CDIN1: variants seen among roughly 807,000 people sequenced by gnomAD.
CDIN1 encodes CDAN1 interacting nuclease 1, also known as CDAN1-interacting nuclease 1.
In CDIN1, 33 loss-of-function variants were observed where a neutral mutation model predicts 45.3. That is an observed-to-expected ratio of 0.73 (90% CI 0.55 to 0.97). The LOEUF (loss-of-function observed/expected upper bound fraction) is 0.97. CDIN1 is among the 50% of genes least tolerant of loss of function. CDIN1 has a pLI of 0.00. For synonymous variants in CDIN1, 118 were observed against 124.4 expected, an observed-to-expected ratio of 0.95 and a Z score of 0.34; for missense variants, 303 against 339.4, an observed-to-expected ratio of 0.89 and a Z score of 0.84.
At chr15:36,608,762 A>G (rs2038499840) in intron 1 of CDIN1, among the ~76,000 whole-genome samples, 1 of 152,134 alleles carries the variant, frequency 6.6e-6, no homozygotes, top group South Asian at 2.1e-4. Flanking sequence ...CTTATTGTTC[A>G]ATACACTATT....
intron 3 of CDIN1, among the ~76,000 whole-genome samples, chr15:36,649,333 T>G (rs1214780323): frequency 6.6e-6 from 1 of 152,160 alleles, no homozygotes; most frequent in East Asian, 1.9e-4. Flanking sequence ...AGATCTGAAT[T>G]GCAATTGGGA....
chr15:36,693,920 T>C (rs534328366), intron 7 of CDIN1, among the ~76,000 whole-genome samples: 1 of 152,322 alleles, frequency 6.6e-6, no homozygotes, highest in South Asian at 2.1e-4. Flanking sequence ...GGTTGTGTTA[T>C]TGCCAGTAGA....
At chr15:36,620,476 AT>A (rs1034237628) in intron 1 of CDIN1, among the ~76,000 whole-genome samples, 15 of 151,872 alleles carry the variant, frequency 9.9e-5, no homozygotes, top group Admixed American at 2.0e-4. Context: ...ATGGGAAACA[AT>A]TTTTTTTTCT....
chr15:36,588,084 A>G (rs1204408726), intron 1 of CDIN1, among the ~76,000 whole-genome samples: 1 of 152,220 alleles, frequency 6.6e-6, no homozygotes, highest in Non-Finnish European at 1.5e-5. Flanking sequence ...TTTTGCTTTG[A>G]AACAAAGTGC....
At chr15:36,746,669 C>CACACACACACACA (rs2044448487) in intron 10 of CDIN1, among the ~76,000 whole-genome samples, 86 of 141,502 alleles carry the variant, frequency 6.1e-4, no homozygotes, top group Non-Finnish European at 9.8e-4. Context: ...ATATATGGTT[C>CACACACACACACA]CACACACACA....
chr15:36,702,118 C>T (rs748128335), intron 8 of CDIN1: 23 of 701,946 alleles, frequency 3.3e-5, no homozygotes, highest in South Asian at 7.4e-5. Flanking sequence ...ATGGAACATA[C>T]GATTATGTAG....
At chr15:36,655,893 A>G (rs2140459373) in intron 4 of CDIN1, among the ~76,000 whole-genome samples, 1 of 152,338 alleles carries the variant, frequency 6.6e-6, no homozygotes, top group South Asian at 2.1e-4. Context: ...TATATCCATT[A>G]AATATTTAGC....
At chr15:36,608,980 G>T (rs973296579) in intron 1 of CDIN1, among the ~76,000 whole-genome samples, 7 of 82,578 alleles carry the variant, frequency 8.5e-5, no homozygotes, top group African/African-American at 5.4e-4. Context: ...TGTGTATATA[G>T]ATAGATAGAT....
intron 10 of CDIN1, among the ~76,000 whole-genome samples, chr15:36,795,062 A>C (rs2054757951): frequency 6.6e-6 from 1 of 152,196 alleles, no homozygotes; most frequent in African/African-American, 2.4e-5. Flanking sequence ...GTTTTCGTTC[A>C]TATATCGGGG....
At chr15:36,797,018 T>A (rs1471334754) in intron 10 of CDIN1, among the ~76,000 whole-genome samples, 1 of 152,216 alleles carries the variant, frequency 6.6e-6, no homozygotes, top group Non-Finnish European at 1.5e-5. Context: ...ATTCTCATTT[T>A]CTTAAAGGAG....
At chr15:36,697,706 G>T (rs986061301) in intron 8 of CDIN1, among the ~76,000 whole-genome samples, 9 of 152,196 alleles carry the variant, frequency 5.9e-5, no homozygotes, top group African/African-American at 2.2e-4. Context: ...AAGAAATATT[G>T]TCTATAAAAT....
At chr15:36,797,742 G>A (rs925334327) in intron 10 of CDIN1, among the ~76,000 whole-genome samples, 1 of 152,104 alleles carries the variant, frequency 6.6e-6, no homozygotes, top group Non-Finnish European at 1.5e-5. Context: ...CACTTTGGGG[G>A]GCCGAGGCGG....
At chr15:36,734,374 T>C (rs778779715) in intron 10 of CDIN1, 2 of 429,248 alleles carry the variant, frequency 4.7e-6, no homozygotes, top group South Asian at 1.7e-5. Context: ...ACTTTATTCC[T>C]TCCCTAGTTA....
chr15:36,698,157 A>T (rs568379513), intron 8 of CDIN1, among the ~76,000 whole-genome samples: 2 of 152,314 alleles, frequency 1.3e-5, no homozygotes, highest in Admixed American at 1.3e-4. Context: ...ACAACATTGG[A>T]TTACATAAGG....
intron 10 of CDIN1, among the ~76,000 whole-genome samples, chr15:36,730,593 C>T (rs1409292616): frequency 6.6e-6 from 1 of 152,012 alleles, no homozygotes; most frequent in Non-Finnish European, 1.5e-5. Context: ...GAAAGTTAAG[C>T]TATATATTTT....
intron 10 of CDIN1, among the ~76,000 whole-genome samples, chr15:36,786,026 T>A (rs186781107): frequency 1.3e-5 from 2 of 152,336 alleles, no homozygotes; most frequent in East Asian, 3.9e-4. Flanking sequence ...TGTTGTAATA[T>A]AAAGCTCATT....
At chr15:36,608,928 T>C (rs1171874633) in intron 1 of CDIN1, among the ~76,000 whole-genome samples, 1 of 152,120 alleles carries the variant, frequency 6.6e-6, no homozygotes, top group Non-Finnish European at 1.5e-5. Context: ...CAAATATATA[T>C]ATTTAAAGTT....
At chr15:36,583,541 C>T (rs987143064) in intron 1 of CDIN1, among the ~76,000 whole-genome samples, 1 of 152,178 alleles carries the variant, frequency 6.6e-6, no homozygotes, top group Non-Finnish European at 1.5e-5. Flanking sequence ...ATTCTATTTT[C>T]GTTTCTACAG....
In CDIN1 at chr15:36,808,852, A is replaced by G. The variant is rs1344054317; in HGVS notation, c.*399A>G. The G allele has an allele frequency of 2.2e-6, 1 of 452,218 alleles. No homozygotes were observed. The highest frequency in any genetic ancestry group is 6.9e-5 in the East Asian group (1 of 14,414). 28.0% of individuals were successfully genotyped at this position (452,218 alleles called of 1,614,324 possible). A position where few individuals can be genotyped will look rare whatever the true frequency, so the allele number is the denominator to read the frequency against. Reference sequence around the variant, plus strand: ...TCACCCTCTTATTTTTTTTTCCCTAAGCCTCCGTTCACTGTCTCTCCCTCT... The same window carrying G: ...TCACCCTCTTATTTTTTTTTCCCTAGGCCTCCGTTCACTGTCTCTCCCTCT... On this transcript the variant is annotated 3_prime_UTR_variant, in exon 11 of 11. Transcript: ENST00000566621.
Sources: allele counts gnomAD v4.1 joint callset (sites outside exome capture counted in the v4.1 genomes callset), GRCh38; gene constraint gnomAD v4.1.1; transcripts MANE v1.5; gene names NCBI Gene and HGNC (gene_info 2026-07-23, HGNC 2026-07-21).